The following ST7 variants were observed in gnomAD, a reference collection of about 807,000 sequenced individuals.
ST7 encodes the protein suppression of tumorigenicity 7, also known as suppressor of tumorigenicity 7 protein.
Under a neutral mutation model 78.7 loss-of-function variants are expected in ST7, and 28 were observed. That is an observed-to-expected ratio of 0.36 (90% CI 0.26 to 0.49). The LOEUF (loss-of-function observed/expected upper bound fraction) is 0.49. Among genes scored for constraint, ST7 ranks in the 20% least tolerant of loss-of-function variants. The pLI is 0.99. For synonymous variants in ST7, 247 were observed against 249.6 expected (o/e 0.99, Z 0.10); for missense variants, 418 against 696.0 (o/e 0.60, Z 4.49).
intron 9 of ST7, among the ~76,000 whole-genome samples, chr7:117,160,818 G>T (rs755388669): frequency 6.6e-6 from 1 of 151,924 alleles, no homozygotes; most frequent in Non-Finnish European, 1.5e-5. Context: ...CAACACTAAG[G>T]GTTAGACAGG....
intron 1 of ST7, among the ~76,000 whole-genome samples, chr7:117,051,697 G>C (rs570521997): frequency 1.3e-5 from 2 of 152,322 alleles, no homozygotes; most frequent in African/African-American, 2.4e-5. Context: ...GCCTGGACTA[G>C]AATGGTCAAG....
intron 1 of ST7, among the ~76,000 whole-genome samples, chr7:117,019,448 T>C (rs1441789141): frequency 6.6e-6 from 1 of 152,042 alleles, no homozygotes; most frequent in Non-Finnish European, 1.5e-5. Context: ...CAAAAAGAAA[T>C]GGGTTGGTCA....
intron 6 of ST7, among the ~76,000 whole-genome samples, chr7:117,133,922 T>G (rs1414044261): frequency 1.3e-5 from 2 of 151,970 alleles, no homozygotes; most frequent in East Asian, 3.9e-4. Flanking sequence ...CAGTTACAGT[T>G]GAACATTTGG....
At chr7:117,080,963 G>C (rs1279272700) in intron 1 of ST7, 1 of 152,092 alleles carries the variant, frequency 6.6e-6, no homozygotes, top group Non-Finnish European at 1.5e-5. Flanking sequence ...TCAAACACAG[G>C]TGTTGTGGGA....
intron 1 of ST7, among the ~76,000 whole-genome samples, chr7:117,067,700 A>G (rs1396553298): frequency 6.6e-6 from 1 of 152,186 alleles, no homozygotes; most frequent in Non-Finnish European, 1.5e-5. Flanking sequence ...GATGGACACA[A>G]AGTTTAAAAG....
chr7:117,119,405 T>G (rs1364346078), intron 2 of ST7, among the ~76,000 whole-genome samples, 156 bp from the exon 3 acceptor site: 1 of 152,232 alleles, frequency 6.6e-6, no homozygotes, highest in Non-Finnish European at 1.5e-5. Context: ...TAAATGTTAT[T>G]ATTAAATTTA....
chr7:117,181,770 CAAAT>C (rs1329876237), intron 10 of ST7, among the ~76,000 whole-genome samples: 1 of 152,042 alleles, frequency 6.6e-6, no homozygotes, highest in Non-Finnish European at 1.5e-5. Context: ...AAAATTGTGT[CAAAT>C]AAACACAGAT....
intron 10 of ST7, among the ~76,000 whole-genome samples, chr7:117,179,965 G>A (rs1808628022): frequency 6.6e-6 from 1 of 152,196 alleles, no homozygotes; most frequent in Non-Finnish European, 1.5e-5. Context: ...ATTCTGTCCT[G>A]GAGGGAGACA....
chr7:117,134,691 A>G (rs1708606086), intron 7 of ST7, among the ~76,000 whole-genome samples: 1 of 152,010 alleles, frequency 6.6e-6, no homozygotes. Flanking sequence ...TGAAGCCTTA[A>G]GCATTTCTTC....
intron 14 of ST7, among the ~76,000 whole-genome samples, chr7:117,221,057 G>A (rs1444603145): frequency 6.6e-6 from 1 of 152,132 alleles, no homozygotes; most frequent in East Asian, 1.9e-4. Context: ...ACCCCCAGCA[G>A]GTGGCTCTTT....
chr7:117,020,708 A>T, intron 1 of ST7: 1 of 1,535,818 alleles, frequency 6.5e-7, no homozygotes, highest in Admixed American at 2.0e-5. Flanking sequence ...AGTTCATATC[A>T]CTTTGCCTTA....
chr7:117,060,765 G>A (rs909098431), intron 1 of ST7, among the ~76,000 whole-genome samples: 2 of 152,082 alleles, frequency 1.3e-5, no homozygotes, highest in Non-Finnish European at 2.9e-5. Context: ...TAGCACTTTG[G>A]GAGGCTGAGG....
At chr7:117,168,593 A>G (rs774863848) in intron 9 of ST7, among the ~76,000 whole-genome samples, 8 of 152,206 alleles carry the variant, frequency 5.3e-5, no homozygotes, top group Non-Finnish European at 8.8e-5. Flanking sequence ...AACATCAGCA[A>G]TGTGTGGTAT....
intron 2 of ST7, among the ~76,000 whole-genome samples, chr7:117,116,763 C>T (rs1394631139): frequency 6.6e-6 from 1 of 152,126 alleles, no homozygotes; most frequent in Non-Finnish European, 1.5e-5. Flanking sequence ...CAAGCAGCTG[C>T]ATGAATAACC....
intron 1 of ST7, among the ~76,000 whole-genome samples, chr7:117,083,399 G>C (rs1375814509): frequency 6.6e-6 from 1 of 152,090 alleles, no homozygotes; most frequent in Non-Finnish European, 1.5e-5. Context: ...GGGATTACAG[G>C]AGCCTGCCAC....
chr7:117,171,383 A>G (rs1211050261), intron 10 of ST7, among the ~76,000 whole-genome samples: 1 of 152,166 alleles, frequency 6.6e-6, no homozygotes, highest in Non-Finnish European at 1.5e-5. Context: ...TATTGGTCAC[A>G]TTGACCCTTT....
intron 1 of ST7, among the ~76,000 whole-genome samples, chr7:117,028,168 T>C (rs1796302581): frequency 6.6e-6 from 1 of 152,192 alleles, no homozygotes. Context: ...TAATTTGCCA[T>C]GTACTGGTAA....
intron 3 of ST7, among the ~76,000 whole-genome samples, chr7:117,123,723 A>C (rs1803595227): frequency 6.6e-6 from 1 of 152,168 alleles, no homozygotes; most frequent in Non-Finnish European, 1.5e-5. Context: ...TAACATTCTG[A>C]ATTTGAGTTT....
At chr7:117,061,841 C>CTAAT (rs1380720482) in intron 1 of ST7, among the ~76,000 whole-genome samples, 1 of 152,198 alleles carries the variant, frequency 6.6e-6, no homozygotes, top group Non-Finnish European at 1.5e-5. Context: ...GCTTAAGAAT[C>CTAAT]TAAGCACATT....
Sources: allele counts gnomAD v4.1 joint callset (sites outside exome capture counted in the v4.1 genomes callset), GRCh38; gene constraint gnomAD v4.1.1; transcripts MANE v1.5; gene names NCBI Gene and HGNC (gene_info 2026-07-23, HGNC 2026-07-21).